The following SERGEF variants were observed in gnomAD, a reference collection of about 807,000 sequenced individuals.
The protein encoded by SERGEF is secretion regulating guanine nucleotide exchange factor.
SERGEF carries 51 observed loss-of-function variants against 50.0 expected under a neutral mutation model. The observed-to-expected ratio is 1.02, with a 90% CI of 0.81 to 1.29. The LOEUF (loss-of-function observed/expected upper bound fraction) is 1.29. SERGEF is among the 50% of genes most tolerant of loss of function. The probability of loss-of-function intolerance (pLI) is 0.00; values close to 1 mark genes in which losing one functional copy is unlikely to be tolerated. For synonymous variants in SERGEF, 205 were observed against 212.4 expected (o/e 0.97, Z 0.30); for missense variants, 521 against 557.0 (o/e 0.94, Z 0.65).
intron 9 of SERGEF, among the ~76,000 whole-genome samples, chr11:17,894,893 C>T (rs1433230467): frequency 6.6e-6 from 1 of 152,204 alleles, no homozygotes; most frequent in Non-Finnish European, 1.5e-5. Flanking sequence ...CAAAACATCA[C>T]AGGCAGATCC....
At chr11:17,904,768 T>A (rs1308337251) in intron 9 of SERGEF, among the ~76,000 whole-genome samples, 2 of 152,170 alleles carry the variant, frequency 1.3e-5, no homozygotes, top group Non-Finnish European at 2.9e-5. Context: ...AGGAAATTAT[T>A]TAGAGGCATT....
intron 9 of SERGEF, among the ~76,000 whole-genome samples, chr11:17,953,595 C>G (rs1431231023): frequency 6.6e-6 from 1 of 152,180 alleles, no homozygotes; most frequent in African/African-American, 2.4e-5. Context: ...AGAGAAGAAG[C>G]AGTGAAAATG....
intron 10 of SERGEF, among the ~76,000 whole-genome samples, chr11:17,828,207 G>A (rs761884007): frequency 1.3e-5 from 2 of 152,202 alleles, no homozygotes; most frequent in South Asian, 2.1e-4. Context: ...TCTTACATGC[G>A]TGTGTGTTAC....
At chr11:17,965,008 C>T (rs966751821) in intron 8 of SERGEF, among the ~76,000 whole-genome samples, 3 of 152,352 alleles carry the variant, frequency 2.0e-5, no homozygotes, top group African/African-American at 7.2e-5. Flanking sequence ...TCACACCACA[C>T]TCCTTTCTGT....
chr11:17,938,296 T>C (rs1852495022), intron 9 of SERGEF, among the ~76,000 whole-genome samples: 1 of 152,208 alleles, frequency 6.6e-6, no homozygotes, highest in Admixed American at 6.5e-5. Flanking sequence ...GCCCACCAAG[T>C]ATTTTAAAAG....
chr11:17,929,782 G>A (rs780173665), intron 9 of SERGEF, among the ~76,000 whole-genome samples: 9 of 152,118 alleles, frequency 5.9e-5, no homozygotes, highest in Non-Finnish European at 1.2e-4. Context: ...TCTTCCAAGA[G>A]GTCTTGCCTG....
chr11:17,933,625 C>T (rs534466043), intron 9 of SERGEF, among the ~76,000 whole-genome samples: 1 of 151,812 alleles, frequency 6.6e-6, no homozygotes, highest in Non-Finnish European at 1.5e-5. Context: ...AAAGTTGTTA[C>T]TATGAGACAG....
chr11:18,000,276 T>C (rs1439474315), intron 5 of SERGEF, among the ~76,000 whole-genome samples: 14 of 151,826 alleles, frequency 9.2e-5, no homozygotes, highest in Non-Finnish European at 5.9e-5. Flanking sequence ...AGCGAGACCC[T>C]GTCTCTACAA....
At chr11:17,825,192 T>C (rs1026044982) in intron 10 of SERGEF, among the ~76,000 whole-genome samples, 1 of 152,200 alleles carries the variant, frequency 6.6e-6, no homozygotes. Flanking sequence ...CTAAAGTAAA[T>C]GAAAATGGTC....
chr11:17,843,194 C>T (rs2133864347), intron 10 of SERGEF, among the ~76,000 whole-genome samples: 1 of 152,232 alleles, frequency 6.6e-6, no homozygotes, highest in Non-Finnish European at 1.5e-5. Context: ...CAGTGAGAAC[C>T]TCAGTGTCAC....
At chr11:17,964,772 T>C (rs930935688) in intron 8 of SERGEF, among the ~76,000 whole-genome samples, 3 of 152,352 alleles carry the variant, frequency 2.0e-5, no homozygotes, top group East Asian at 1.9e-4. Flanking sequence ...AGTTACTCTC[T>C]GGGTTATTCA....
chr11:17,977,199 G>A (rs1323042367), intron 8 of SERGEF, among the ~76,000 whole-genome samples: 2 of 152,180 alleles, frequency 1.3e-5, no homozygotes. Context: ...GCTCACATTC[G>A]GTTAGGAGAG....
intron 5 of SERGEF, among the ~76,000 whole-genome samples, chr11:17,998,331 C>T (rs1244482832): frequency 6.6e-6 from 1 of 151,136 alleles, no homozygotes; most frequent in African/African-American, 2.4e-5. Context: ...CCTAGAGGAT[C>T]GCTTGAGCCC....
chr11:17,889,100 G>A (rs1383977515), intron 9 of SERGEF, among the ~76,000 whole-genome samples: 1 of 152,168 alleles, frequency 6.6e-6, no homozygotes, highest in East Asian at 1.9e-4. Flanking sequence ...AATAATAAAT[G>A]TAAAAGAATA....
At chr11:17,903,221 T>G (rs1236724854) in intron 9 of SERGEF, among the ~76,000 whole-genome samples, 1 of 152,154 alleles carries the variant, frequency 6.6e-6, no homozygotes, top group East Asian at 1.9e-4. Flanking sequence ...CAGGTCACAC[T>G]CTAGTCTCTC....
chr11:17,966,474 C>T (rs962304765), intron 8 of SERGEF, among the ~76,000 whole-genome samples: 1 of 152,120 alleles, frequency 6.6e-6, no homozygotes, highest in East Asian at 1.9e-4. Context: ...TTGGATACCT[C>T]CCTGATCTAC....
At chr11:17,811,755 T>C (rs1043853795) in intron 10 of SERGEF, among the ~76,000 whole-genome samples, 5 of 152,296 alleles carry the variant, frequency 3.3e-5, no homozygotes, top group Admixed American at 2.0e-4. Context: ...TGAGCAGTTA[T>C]AAAGATTGGA....
intron 8 of SERGEF, among the ~76,000 whole-genome samples, chr11:17,966,567 A>C (rs1474590821): frequency 2.0e-5 from 3 of 152,250 alleles, no homozygotes; most frequent in African/African-American, 7.2e-5. Flanking sequence ...TGGAATATTT[A>C]GTCTGACCAC....
At chr11:17,889,157 A>T (rs540418655) in intron 9 of SERGEF, among the ~76,000 whole-genome samples, 2 of 152,378 alleles carry the variant, frequency 1.3e-5, no homozygotes, top group African/African-American at 4.8e-5. Flanking sequence ...TTCAGACAAG[A>T]ATCATCAATG....
Sources: gnomAD v4.1 joint callset for allele counts (sites outside exome capture counted in the v4.1 genomes callset) on GRCh38, gnomAD v4.1.1 for gene constraint, MANE v1.5 for transcripts, NCBI Gene and HGNC (gene_info 2026-07-23, HGNC 2026-07-21) for gene names.